BNC2: variants seen among roughly 807,000 people sequenced by gnomAD.
BNC2 encodes basonuclin zinc finger protein 2, also known as zinc finger protein basonuclin-2.
In BNC2, 20 loss-of-function variants were observed where a neutral mutation model predicts 76.3. The observed-to-expected ratio is 0.26, with a 90% CI of 0.18 to 0.38. The LOEUF (loss-of-function observed/expected upper bound fraction) is 0.38, where lower values mean the gene tolerates loss of function less well. Among genes scored for constraint, BNC2 ranks in the 10% least tolerant of loss-of-function variants. The probability of loss-of-function intolerance (pLI) is 1.00; values close to 1 mark genes in which losing one functional copy is unlikely to be tolerated. For missense variants in BNC2, 1,382 were observed against 1,399.8 expected (o/e 0.99, Z 0.20); for synonymous variants, 582 against 514.8 (o/e 1.13, Z -1.77).
intron 1 of BNC2, among the ~76,000 whole-genome samples, chr9:16,768,589 G>C (rs1028542751): frequency 1.3e-5 from 2 of 152,064 alleles, no homozygotes; most frequent in Non-Finnish European, 2.9e-5. Flanking sequence ...GAAAGAGAAA[G>C]AGCTGATCCA....
At chr9:16,511,063 T>C (rs1415778770) in intron 5 of BNC2, among the ~76,000 whole-genome samples, 1 of 151,550 alleles carries the variant, frequency 6.6e-6, no homozygotes, top group African/African-American at 2.4e-5. Context: ...TTGTTTAATA[T>C]GAAATCTTTC....
intron 3 of BNC2, among the ~76,000 whole-genome samples, chr9:16,642,978 T>C (rs772887172): frequency 6.6e-6 from 1 of 152,162 alleles, no homozygotes; most frequent in African/African-American, 2.4e-5. Context: ...AATATGAGTA[T>C]ACTTAATTAA....
chr9:16,524,573 A>G (rs1019043720), intron 5 of BNC2, among the ~76,000 whole-genome samples: 1 of 152,146 alleles, frequency 6.6e-6, no homozygotes, highest in Non-Finnish European at 1.5e-5. Flanking sequence ...AAATTAGTCT[A>G]TTTGCTAAAT....
At position 16,778,512 on chromosome 9, in the gene BNC2, G is replaced by C. The variant is rs536305556; in HGVS notation, c.4-40027C>G. Among the ~76,000 whole-genome samples, 160 of 152,232 alleles carry C rather than the reference G, an allele frequency of 1.1e-3. 1 individual carries two copies. Among genetic ancestry groups the C allele is most frequent in the African/African-American group, 3.7e-3 (152 of 41,540 alleles). On this transcript the variant is annotated intron_variant, in intron 1 of 6. Transcript: ENST00000380672. The stretch of plus-strand genomic sequence containing the variant: ...CAATAATCCAAAAAAGAAACAGAAA[G>C]GACAATCTATTAAGCACATATTATG...
intron 3 of BNC2, among the ~76,000 whole-genome samples, chr9:16,634,338 A>G (rs1821252880): frequency 6.6e-6 from 1 of 152,150 alleles, no homozygotes; most frequent in South Asian, 2.1e-4. Flanking sequence ...AGTATCACCA[A>G]CAGCTTATGT....
At chr9:16,673,982 A>G (rs552433359) in intron 3 of BNC2, among the ~76,000 whole-genome samples, 1 of 152,334 alleles carries the variant, frequency 6.6e-6, no homozygotes, top group Non-Finnish European at 1.5e-5. Flanking sequence ...CCAACATTTT[A>G]CATTTAATTT....
At position 16,725,240 on chromosome 9, in the gene BNC2, C is replaced by CACAG. The variant is rs1824277454; in HGVS notation, c.330+2556_330+2557insCTGT. 2.0e-5 allele frequency among the ~76,000 whole-genome samples: 3 copies of CACAG among 152,048 alleles called. No individual in the cohort carries two copies. In the South Asian group the frequency reaches 6.2e-4, roughly 32 times the overall value. On this transcript the variant is annotated intron_variant, in intron 3 of 6. Transcript: ENST00000380672. ...TCTCACACACACACACACACACACACACACACACACGTGCTGAATCAGCAT... is the reference window on the plus strand; with the variant it reads ...TCTCACACACACACACACACACACACACAGACACACACACGTGCTGAATCAGCAT...
intron 1 of BNC2, among the ~76,000 whole-genome samples, chr9:16,796,338 A>G (rs1817646779): frequency 1.3e-5 from 2 of 152,260 alleles, no homozygotes. Context: ...GATAGATTTC[A>G]TAACTGATGT....
chr9:16,632,897 A>C (rs1173071528), intron 3 of BNC2, among the ~76,000 whole-genome samples: 3 of 152,114 alleles, frequency 2.0e-5, no homozygotes, highest in Non-Finnish European at 4.4e-5. Flanking sequence ...AATATAATCG[A>C]GTTTTATAGG....
intron 1 of BNC2, among the ~76,000 whole-genome samples, chr9:16,843,150 G>A (rs1818876803): frequency 6.6e-6 from 1 of 152,120 alleles, no homozygotes; most frequent in Non-Finnish European, 1.5e-5. Flanking sequence ...ATTGACTGAT[G>A]GAGAGATAGA....
At chr9:16,774,265 G>A (rs1256413193) in intron 1 of BNC2, among the ~76,000 whole-genome samples, 1 of 152,164 alleles carries the variant, frequency 6.6e-6, no homozygotes, top group Non-Finnish European at 1.5e-5. Context: ...TTACAGTCGT[G>A]AGCCACCGTG....
intron 3 of BNC2, among the ~76,000 whole-genome samples, chr9:16,596,448 A>C (rs1475104436): frequency 6.6e-6 from 1 of 152,116 alleles, no homozygotes; most frequent in African/African-American, 2.4e-5. Context: ...GTAAATTGCA[A>C]AACCCGATTT....
At chr9:16,835,911 T>C (rs749793920) in intron 1 of BNC2, among the ~76,000 whole-genome samples, 4 of 152,164 alleles carry the variant, frequency 2.6e-5, no homozygotes, top group Non-Finnish European at 4.4e-5. Context: ...TCTAATAGGA[T>C]AAATCTTTCA....
At chr9:16,516,059 A>T (rs1817412616) in intron 5 of BNC2, among the ~76,000 whole-genome samples, 1 of 152,146 alleles carries the variant, frequency 6.6e-6, no homozygotes, top group African/African-American at 2.4e-5. Flanking sequence ...GAAAATGAAA[A>T]CTTTTCAAAG....
intron 5 of BNC2, among the ~76,000 whole-genome samples, chr9:16,470,048 A>G (rs1276068731): frequency 1.5e-5 from 2 of 131,404 alleles, no homozygotes; most frequent in East Asian, 4.6e-4. Flanking sequence ...CCCAGGCTGG[A>G]GTGCAGTGGC....
chr9:16,638,640 G>T (rs1821397413), intron 3 of BNC2, among the ~76,000 whole-genome samples: 1 of 151,904 alleles, frequency 6.6e-6, no homozygotes, highest in African/African-American at 2.4e-5. Flanking sequence ...CATGCATTAT[G>T]TGACATTCCA....
chr9:16,717,739 T>G (rs138973105), intron 3 of BNC2, among the ~76,000 whole-genome samples: 1 of 152,314 alleles, frequency 6.6e-6, no homozygotes, highest in East Asian at 1.9e-4. Context: ...ATCACTCTAT[T>G]AAGCCTACTT....
chr9:16,570,515 C>T (rs1794753893), intron 4 of BNC2, among the ~76,000 whole-genome samples: 1 of 152,180 alleles, frequency 6.6e-6, no homozygotes, highest in Non-Finnish European at 1.5e-5. Flanking sequence ...TATCAAACTG[C>T]TTTGTATCAG....
chr9:16,432,230 T>C (rs990543334), intron 6 of BNC2, among the ~76,000 whole-genome samples: 19 of 152,226 alleles, frequency 1.2e-4, no homozygotes, highest in African/African-American at 4.6e-4. Flanking sequence ...GCTTTGACAC[T>C]GTTGCTTGGA....
Sources: allele counts gnomAD v4.1 joint callset (sites outside exome capture counted in the v4.1 genomes callset), GRCh38; gene constraint gnomAD v4.1.1; transcripts MANE v1.5; gene names NCBI Gene and HGNC (gene_info 2026-07-23, HGNC 2026-07-21).